Variants in HIBCH observed in about 807,000 individuals in gnomAD.
HIBCH encodes the protein 3-hydroxyisobutyryl-CoA hydrolase, mitochondrial.
A neutral mutation model predicts 58.2 loss-of-function variants in HIBCH; 50 were observed. That is an observed-to-expected ratio of 0.86 (90% CI 0.68 to 1.09). HIBCH has a LOEUF of 1.09. Among genes scored for constraint, HIBCH ranks in the 50% least tolerant of loss-of-function variants. The pLI, the probability that HIBCH is intolerant of heterozygous loss-of-function variation, is 0.00. For missense variants in HIBCH, 450 were observed against 449.7 expected (o/e 1.00, Z -0.01); for synonymous variants, 151 against 146.9 (o/e 1.03, Z -0.20).
intron 2 of HIBCH, among the ~76,000 whole-genome samples, chr2:190,302,100 G>A (rs1408367868): frequency 1.3e-5 from 2 of 148,728 alleles, no homozygotes; most frequent in African/African-American, 2.4e-5. Flanking sequence ...GTCAACTGAA[G>A]AATCAGAAGA....
Position 190,290,386 on chromosome 2 carries a change from C to G in HIBCH, c.385+19G>C. ...ATTTCTTTATTCCATTTCCAAAGCT[C>G]TGAGCAGAATACACATACCAACAGC... On this transcript the variant is annotated intron_variant, in intron 5 of 13. Coordinates refer to ENST00000359678, the MANE Select transcript of HIBCH (RefSeq NM_014362.4). The G allele has an allele frequency of 6.6e-7, 1 of 1,514,742 alleles. No individual in the cohort carries two copies. The highest frequency in any genetic ancestry group is 1.4e-5 in the African/African-American group (1 of 72,858). 93.8% of individuals were successfully genotyped at this position (1,514,742 alleles called of 1,614,324 possible). A position where few individuals can be genotyped will look rare whatever the true frequency, so the allele number is the denominator to read the frequency against.
chr2:190,319,699 C>T lies in HIBCH; in HGVS notation c.35+17G>A. The T allele has an allele frequency of 1.2e-6, 2 of 1,606,278 alleles. No individual in the cohort carries two copies. Among genetic ancestry groups the T allele is most frequent in the South Asian group, 1.1e-5 (1 of 90,462 alleles). On this transcript the variant is annotated intron_variant, in intron 1 of 13. Coordinates refer to ENST00000359678, the MANE Select transcript of HIBCH (RefSeq NM_014362.4). ...CCGCTGAAGAGCCTGCCCTTGGCCC[C>T]TCGCTCTCTCACTCACCTCGACATG...
chr2:190,272,463 C>T (rs921719251), intron 6 of HIBCH, among the ~76,000 whole-genome samples: 1 of 152,146 alleles, frequency 6.6e-6, no homozygotes, highest in African/African-American at 2.4e-5. Flanking sequence ...TACTTTCACG[C>T]CTCAATAAGA....
chr2:190,250,114 T>A (rs1686719545), intron 8 of HIBCH: 1 of 239,004 alleles, frequency 4.2e-6, no homozygotes, highest in Non-Finnish European at 8.3e-6. Flanking sequence ...CACTTATTTA[T>A]CCATCTAATC....
In HIBCH at chr2:190,315,246, C is replaced by T. The variant is rs1400912727; in HGVS notation, c.36-4450G>A. 2.6e-5 allele frequency among the ~76,000 whole-genome samples: 4 copies of T among 152,170 alleles called. No individual in the cohort carries two copies. Among genetic ancestry groups the T allele is most frequent in the African/African-American group, 9.7e-5 (4 of 41,444 alleles). On this transcript the variant is annotated intron_variant, in intron 1 of 13. Coordinates refer to ENST00000359678, the MANE Select transcript of HIBCH (RefSeq NM_014362.4). The surrounding 1 kb of genome is among the most constrained non-coding windows in gnomAD (Gnocchi z 5.4). ...AATTACAGGCATGAGCCACTGTGCC[C>T]GGCCTGCTACTTCTAATTTCTTAAT...
chr2:190,245,747 T>C (rs370846239), intron 10 of HIBCH, among the ~76,000 whole-genome samples: 1 of 152,058 alleles, frequency 6.6e-6, no homozygotes, highest in Non-Finnish European at 1.5e-5. Context: ...CCCAGCACTT[T>C]GTGAGGGCGA....
downstream of HIBCH, chr2:190,200,187 G>C: frequency 6.4e-7 from 1 of 1,568,646 alleles, no homozygotes. Flanking sequence ...GGAGGTGCTA[G>C]TTTGAATAAA....
At chr2:190,284,703 T>G (rs554285632) in intron 6 of HIBCH, among the ~76,000 whole-genome samples, 6 of 152,322 alleles carry the variant, frequency 3.9e-5, no homozygotes, top group Admixed American at 6.5e-5. Context: ...CGTATATCAC[T>G]AATCACCCCA....
Position 190,209,582 on chromosome 2 carries a change from G to A in HIBCH, c.1012-669C>T, listed in dbSNP as rs952978854. Among the ~76,000 whole-genome samples the A allele has an allele frequency of 1.3e-5, 2 of 152,184 alleles. No individual in the cohort carries two copies. Among genetic ancestry groups the A allele is most frequent in the African/African-American group, 2.4e-5 (1 of 41,436 alleles). On this transcript the variant is annotated intron_variant, in intron 12 of 13. Transcript: ENST00000359678. The surrounding 1 kb of genome is among the most constrained non-coding windows in gnomAD (Gnocchi z 5.6). ...AAAAATACGAGAAGCTCTTAGATATGAAGTCTTGTCTTCTCACCACTAAAA... is the reference window on the plus strand; with the variant it reads ...AAAAATACGAGAAGCTCTTAGATATAAAGTCTTGTCTTCTCACCACTAAAA...
chr2:190,271,317 CT>C (rs1687394766), intron 6 of HIBCH, among the ~76,000 whole-genome samples: 1 of 112,298 alleles, frequency 8.9e-6, no homozygotes, highest in Non-Finnish European at 1.7e-5. Context: ...GAGAGGGAGT[CT>C]TGCTCTGTCA....
chr2:190,217,469 C>A lies in HIBCH; in HGVS notation c.892-4394G>T, dbSNP rs533348002. Among the ~76,000 whole-genome samples the A allele has an allele frequency of 6.6e-6, 1 of 152,176 alleles. No homozygotes were observed. Among genetic ancestry groups the A allele is most frequent in the African/African-American group, 2.4e-5 (1 of 41,490 alleles). ...CTGCACTCCAGCCTGGGCGACAGAA[C>A]GAGATTCTGTCTTAAAACAAAAAAA... is the stretch of plus-strand genomic sequence containing the variant. On this transcript the variant is annotated intron_variant, in intron 11 of 13. Transcript: ENST00000359678. This position sits in a 1 kb window ranked among gnomAD's most constrained non-coding sequence, Gnocchi z 4.6.
downstream of HIBCH, among the ~76,000 whole-genome samples, chr2:190,199,014 A>G (rs1690112982): frequency 6.6e-6 from 1 of 152,222 alleles, no homozygotes. Context: ...TGGCTTTGCT[A>G]TATGTAACCT....
rs188487773 is a variant in HIBCH at position 190,313,150 on chromosome 2, T to C, written c.36-2354A>G. Among the ~76,000 whole-genome samples the C allele has an allele frequency of 6.5e-3, 991 of 152,366 alleles. 9 individuals are homozygous for C. Among genetic ancestry groups the C allele is most frequent in the African/African-American group, 0.023 (941 of 41,580 alleles). ...TAACTTTCTTCATGCCTCCTTGCTT[T>C]GTGCTAGTAACTCTTTGTTAAGCCC... is the stretch of plus-strand genomic sequence containing the variant. On this transcript the variant is annotated intron_variant, in intron 1 of 13. Coordinates refer to ENST00000359678, the MANE Select transcript of HIBCH (RefSeq NM_014362.4).
chr2:190,288,994 C>T (rs1295356790), intron 5 of HIBCH, among the ~76,000 whole-genome samples: 2 of 152,006 alleles, frequency 1.3e-5, no homozygotes, highest in Admixed American at 1.3e-4. Flanking sequence ...GCCTGTAATC[C>T]CAGCTACTCA....
chr2:190,213,390 T>C, intron 11 of HIBCH: 1 of 337,222 alleles, frequency 3.0e-6, no homozygotes, highest in South Asian at 2.9e-5. Context: ...AATACACACC[T>C]TACAAACCAA....
In HIBCH at chr2:190,294,584, G is replaced by C; in HGVS notation, c.266C>G (p.Ala89Gly). ...PETFLIIIKG[A>G]GGKAFCAGGD... is the part of the protein sequence containing the mutation. ...CCCGGCACAGAAAGCCTTTCCTCCT[G>C]CTCCCTTTATAATGATCAGGAAAGT... The change falls in exon 4 of 14, where the codon GCA (alanine) becomes GGA (glycine). Residue 89 changes from alanine (A) to glycine (G), a missense_variant. Transcript: ENST00000359678. 3.1e-6 allele frequency: 5 copies of C among 1,612,670 alleles called. No individual in the cohort carries two copies. The highest frequency in any genetic ancestry group is 4.2e-6 in the Non-Finnish European group (5 of 1,179,572).
At chr2:190,255,534 A>T (rs1041933796) in intron 7 of HIBCH, among the ~76,000 whole-genome samples, 2 of 152,192 alleles carry the variant, frequency 1.3e-5, no homozygotes, top group African/African-American at 4.8e-5. Flanking sequence ...AACTATAAAA[A>T]CAGACACAAT....
At chr2:190,280,404 T>C (rs546476160) in intron 6 of HIBCH, among the ~76,000 whole-genome samples, 66 of 152,148 alleles carry the variant, frequency 4.3e-4, no homozygotes, top group African/African-American at 1.4e-3. Flanking sequence ...CAGGTGACCA[T>C]CAAGTGATGG....
chr2:190,231,405 CATT>C (rs1361894806), intron 11 of HIBCH, among the ~76,000 whole-genome samples: 1 of 152,080 alleles, frequency 6.6e-6, no homozygotes, highest in African/African-American at 2.4e-5. Context: ...CTGTAATTTA[CATT>C]AATAAAGGGC....
Sources: gnomAD v4.1 joint callset for allele counts (sites outside exome capture counted in the v4.1 genomes callset) on GRCh38, gnomAD v4.1.1 for gene constraint, Gnocchi (gnomAD v3.1) non-coding constraint, MANE v1.5 for transcripts, NCBI Gene and HGNC (gene_info 2026-07-23, HGNC 2026-07-21) for gene names.